Variants in ZIM2 observed in about 807,000 individuals in gnomAD.
The protein encoded by ZIM2 is zinc finger imprinted 2.
A neutral mutation model predicts 38.6 loss-of-function variants in ZIM2; 14 were observed. That is an observed-to-expected ratio of 0.36 (90% confidence interval 0.24 to 0.57). The LOEUF is 0.57. ZIM2 is among the 20% of genes least tolerant of loss of function. The probability of loss-of-function intolerance (pLI) is 0.81; values close to 1 mark genes in which losing one functional copy is unlikely to be tolerated. For synonymous variants in ZIM2, 247 were observed against 245.8 expected (o/e 1.00, Z -0.04); for missense variants, 680 against 695.1 (o/e 0.98, Z 0.24).
rs112920750 is a variant in ZIM2 at position 56,796,557 on chromosome 19, G to A, written c.491-6606C>T. 2.9e-3 allele frequency among the ~76,000 whole-genome samples: 440 copies of A among 152,262 alleles called. 1 individual carries two copies. The highest frequency in any genetic ancestry group is 9.1e-3 in the African/African-American group (378 of 41,560). On this transcript the variant is annotated intron_variant, in intron 9 of 12. Transcript: ENST00000629319. Reference sequence around the variant, plus strand: ...TGGAGGCTGATCCCCGCTGGAGAGCGGGTCAGTCCTCTAGGCCCAGAAATG... The same window carrying A: ...TGGAGGCTGATCCCCGCTGGAGAGCAGGTCAGTCCTCTAGGCCCAGAAATG...
chr19:56,806,573 C>T (rs945338884), intron 9 of ZIM2, among the ~76,000 whole-genome samples: 2 of 152,278 alleles, frequency 1.3e-5, no homozygotes, highest in African/African-American at 4.8e-5. Context: ...GCCACATAAC[C>T]AGTCAACATT....
intron 9 of ZIM2, chr19:56,799,477 G>A (rs995986294): frequency 6.6e-6 from 1 of 152,124 alleles, no homozygotes; most frequent in Non-Finnish European, 1.5e-5. Flanking sequence ...GAGAGCATCG[G>A]GAAGAATAGC....
At chr19:56,812,101 C>A in intron 9 of ZIM2, 1 of 976,506 alleles carries the variant, frequency 1.0e-6, no homozygotes, top group East Asian at 1.1e-4. Context: ...TCTACACTTA[C>A]ATTTTGCAAA....
At chr19:56,833,200 C>T (rs1336236805) in intron 2 of ZIM2, 1 of 515,072 alleles carries the variant, frequency 1.9e-6, no homozygotes, top group Admixed American at 2.0e-5. Flanking sequence ...AGAAAATCCA[C>T]CGAGTCTCCT....
rs746051175 is a variant in ZIM2 at position 56,814,070 on chromosome 19, T to C, written c.490+3676A>G. The C allele has an allele frequency of 1.2e-6, 2 of 1,614,024 alleles. No individual in the cohort carries two copies. Among genetic ancestry groups the C allele is most frequent in the African/African-American group, 2.7e-5 (2 of 74,916 alleles). ...TCAGCTCTTTCTTCTGGGTCTTCAA[T>C]ACCTGCACCATCTGGCTCATCAGCA... On this transcript the variant is annotated intron_variant, in intron 9 of 12. Transcript: ENST00000629319. This position sits in a 1 kb window ranked among gnomAD's most constrained non-coding sequence, Gnocchi z 5.8.
At chr19:56,812,243 A>C in intron 9 of ZIM2, 1 of 977,960 alleles carries the variant, frequency 1.0e-6, no homozygotes, top group Non-Finnish European at 1.2e-6. Flanking sequence ...AGAATAGGAC[A>C]CAAGAAACCT....
At chr19:56,791,885 G>A (rs1437398308) in intron 9 of ZIM2, among the ~76,000 whole-genome samples, 1 of 152,050 alleles carries the variant, frequency 6.6e-6, no homozygotes, top group East Asian at 1.9e-4. Context: ...TCCAGTCTTT[G>A]TATCTCCCAC....
chr19:56,821,009 A>AT (rs1183944396), intron 7 of ZIM2, among the ~76,000 whole-genome samples: 2 of 151,878 alleles, frequency 1.3e-5, no homozygotes, highest in African/African-American at 4.8e-5. Context: ...CAAGTTCCAC[A>AT]TTTTTTTTCC....
chr19:56,819,299 G>T (rs879885316), intron 7 of ZIM2, among the ~76,000 whole-genome samples: 1 of 152,178 alleles, frequency 6.6e-6, no homozygotes, highest in Non-Finnish European at 1.5e-5. Flanking sequence ...TCTCCAGTTT[G>T]CACAATTTCC....
chr19:56,782,380 T>A (rs2046371344), intron 10 of ZIM2: 2 of 485,352 alleles, frequency 4.1e-6, no homozygotes, highest in South Asian at 3.4e-5. Context: ...ATGCAAATAC[T>A]TAAAAGCTCA....
intron 9 of ZIM2, chr19:56,813,610 G>T: frequency 6.5e-7 from 1 of 1,534,412 alleles, no homozygotes; most frequent in Non-Finnish European, 8.8e-7. Flanking sequence ...GATTGGTTTG[G>T]ATTCTCTGTG....
In ZIM2 at chr19:56,788,082, T is replaced by G. The variant is rs184707118; in HGVS notation, c.570+1790A>C. On this transcript the variant is annotated intron_variant, in intron 10 of 12. Transcript: ENST00000629319. ...GGAGTCATTGATTTTTTTTGAAGGG[T>G]TTTTTTTTTTGTCTGTATCTCCTTC... Among the ~76,000 whole-genome samples, 406 of 139,198 alleles carry G rather than the reference T, an allele frequency of 2.9e-3. 2 individuals are homozygous for G. Among genetic ancestry groups the G allele is most frequent in the African/African-American group, 0.011 (390 of 35,448 alleles). The allele number at this position is 139,198 out of a possible 152,430, so 91.3% of individuals were successfully genotyped here. A position where few individuals can be genotyped will look rare whatever the true frequency, so the allele number is the denominator to read the frequency against.
At chr19:56,817,462 T>G (rs1193070899) in intron 9 of ZIM2, 1 of 1,613,982 alleles carries the variant, frequency 6.2e-7, no homozygotes, top group South Asian at 1.1e-5. Context: ...TCTTCCCGAT[T>G]TGGAACTGCG....
Position 56,775,110 on chromosome 19 carries a change from C to T in ZIM2, c.1255G>A (p.Glu419Lys), listed in dbSNP as rs766083029. ...CACTGGACGGAAGGCTTTCTACCTTCATTGCAGCCAGAAGTCTTCCTACCA... is the reference window on the plus strand; with the variant it reads ...CACTGGACGGAAGGCTTTCTACCTTTATTGCAGCCAGAAGTCTTCCTACCA... ...HSGRKTSGCN[E>K]GRKPSVQCAN... Residue 419 changes from glutamate to lysine, a missense_variant, in exon 13 of 13, where the codon GAA becomes AAA. Transcript: ENST00000629319. The T allele has an allele frequency of 3.1e-6, 5 of 1,614,170 alleles. No homozygotes were observed. The highest frequency in any genetic ancestry group is 1.6e-4 in the Middle Eastern group (1 of 6,062).
At chr19:56,795,604 C>G (rs1291838653) in intron 9 of ZIM2, among the ~76,000 whole-genome samples, 2 of 152,178 alleles carry the variant, frequency 1.3e-5, no homozygotes, top group Admixed American at 1.3e-4. Flanking sequence ...GGCCAAGTGC[C>G]CTGTGAGACA....
chr19:56,838,793 G>T (rs1013342308), intron 1 of ZIM2, among the ~76,000 whole-genome samples: 45 of 152,334 alleles, frequency 3.0e-4, no homozygotes, highest in Middle Eastern at 3.4e-3. Context: ...CAAGGAGCGC[G>T]GCACTCCACA....
Position 56,775,586 on chromosome 19 carries a change from A to G in ZIM2, c.836-57T>C, listed in dbSNP as rs201711358. 205 of 1,528,286 alleles carry G rather than the reference A, an allele frequency of 1.3e-4. 1 individual carries two copies. The African/African-American group carries it at 1.5e-3, about 11-fold the overall frequency. 94.7% of individuals were successfully genotyped at this position (1,528,286 alleles called of 1,614,324 possible). On this transcript the variant is annotated intron_variant, in intron 12 of 12. Coordinates refer to ENST00000629319, the MANE Select transcript of ZIM2 (RefSeq NM_001387356.1). Reference sequence around the variant, plus strand: ...CCCAATTATCCAATCCTGCCCCCCAATAATGATATTTCTATAGGCAGGCTT... The same window carrying G: ...CCCAATTATCCAATCCTGCCCCCCAGTAATGATATTTCTATAGGCAGGCTT...
At chr19:56,822,883 C>T in intron 5 of ZIM2, 47 bp from the exon 6 acceptor site, 16 of 1,585,374 alleles carry the variant, frequency 1.0e-5, no homozygotes, top group Non-Finnish European at 1.3e-5. Flanking sequence ...CTTTGACACA[C>T]CTGTTTTCCC....
rs776427757 is a variant in ZIM2 at position 56,822,814 on chromosome 19, C to T, written c.129G>A (p.Arg43=). The T allele has an allele frequency of 1.6e-5, 26 of 1,613,904 alleles. No individual in the cohort carries two copies. The highest frequency in any genetic ancestry group is 3.3e-5 in the Admixed American group (2 of 59,990). The change falls in exon 6 of 13, where the codon AGG becomes AGA. Residue 43 remains arginine, a synonymous_variant. Transcript: ENST00000629319. ...GTGGCTCCATGTCTCTGCTTCTGCC[C>T]CTCCGGTCCCAGTCCCGGTCACCTA... The part of the protein sequence containing the change: ...SFSGDRDWDR[R]GRSRDMEPRD...
Sources: allele counts gnomAD v4.1 joint callset (sites outside exome capture counted in the v4.1 genomes callset), GRCh38; gene constraint gnomAD v4.1.1; non-coding constraint Gnocchi (gnomAD v3.1); transcripts MANE v1.5; gene names NCBI Gene and HGNC (gene_info 2026-07-23, HGNC 2026-07-21).